Variants in APLP1 observed in about 807,000 individuals in gnomAD.
APLP1 encodes the protein amyloid beta (A4) precursor-like protein 1.
Under a neutral mutation model 84.5 loss-of-function variants are expected in APLP1, and 46 were observed. The observed-to-expected ratio is 0.54, with a 90% confidence interval of 0.43 to 0.70. APLP1 has a LOEUF of 0.70. Among genes scored for constraint, APLP1 ranks in the 30% least tolerant of loss-of-function variants. The pLI, the probability that APLP1 is intolerant of heterozygous loss-of-function variation, is 0.00. For synonymous variants in APLP1, 376 were observed against 364.0 expected (o/e 1.03, Z -0.38); for missense variants, 826 against 900.2 (o/e 0.92, Z 1.05).
At chr19:35,872,760 A>G in intron 7 of APLP1, 147 bp downstream of exon 7, 1 of 791,052 alleles carries the variant, frequency 1.3e-6, no homozygotes, top group Non-Finnish European at 1.9e-6. Context: ...TAAGATGGCC[A>G]GAGATCCATG....
intron 1 of APLP1, chr19:35,869,331 G>A (rs1190733107): frequency 1.8e-6 from 1 of 546,172 alleles, no homozygotes; most frequent in Non-Finnish European, 3.2e-6. Flanking sequence ...AGGGAGGAGG[G>A]GCCAGAACTC....
rs750102856 is a variant in APLP1, at chr19:35,879,301, C to T, written c.1858-42C>T. The T allele has an allele frequency of 2.5e-6, 4 of 1,611,108 alleles. No individual in the cohort carries two copies. In the South Asian group the frequency reaches 3.3e-5, roughly 13 times the overall value. ...CCTGAGAGACTTGCGGGCAGTCCCG[C>T]CCCCGCACCACACTGTCCTTTCCCT... On this transcript the variant is annotated intron_variant, in intron 16 of 16. Coordinates refer to ENST00000221891, the MANE Select transcript of APLP1 (RefSeq NM_001024807.3).
intron 16 of APLP1, 44 bp downstream of exon 16, chr19:35,879,261 C>T: frequency 6.2e-7 from 1 of 1,608,716 alleles, no homozygotes; most frequent in Non-Finnish European, 8.5e-7. Flanking sequence ...AGTTCCTGAG[C>T]CCGGGTGTGG....
Position 35,872,629 on chromosome 19 carries a change from G to C in APLP1, c.981+16G>C. The C allele has an allele frequency of 6.2e-7, 1 of 1,609,800 alleles. No individual in the cohort carries two copies. The highest frequency in any genetic ancestry group is 2.2e-5 in the East Asian group (1 of 44,760). ...GATTAATGAGGTGATAATACTGGGG[G>C]CCCCAGGACCCCCTACAGTACAGAG... On this transcript the variant is annotated intron_variant, in intron 7 of 16. Transcript: ENST00000221891.
At chr19:35,875,286 C>T (rs1012737878) in intron 10 of APLP1, among the ~76,000 whole-genome samples, 3 of 150,124 alleles carry the variant, frequency 2.0e-5, no homozygotes, top group African/African-American at 7.4e-5. Flanking sequence ...CTCAGCCTCT[C>T]GAGTAGCTGG....
Position 35,876,679 on chromosome 19 carries a change from G to T in APLP1, c.1444+63G>T. 4 of 1,341,838 alleles carry T rather than the reference G, an allele frequency of 3.0e-6. No individual in the cohort carries two copies. The East Asian group carries it at 9.8e-5, about 33-fold the overall frequency. 83.1% of individuals were successfully genotyped at this position (1,341,838 alleles called of 1,614,324 possible). Reference sequence around the variant, plus strand: ...TGAGGGCAGATCTTGACTCCTAAATGTTGGGCCCCCCCAATTTCATTTATT... The same window carrying T: ...TGAGGGCAGATCTTGACTCCTAAATTTTGGGCCCCCCCAATTTCATTTATT... On this transcript the variant is annotated intron_variant, in intron 11 of 16. Coordinates refer to ENST00000221891, the MANE Select transcript of APLP1 (RefSeq NM_001024807.3).
rs931968063 is a variant in APLP1, at chr19:35,874,442, C to G, written c.1057-62C>G. ...CCATGTAGCCCTGCCTTTCCAGGCT[C>G]TCTTTGACCAGGCTTTGACCCATCT... is the stretch of plus-strand genomic sequence containing the variant. On this transcript the variant is annotated intron_variant, in intron 8 of 16. Transcript: ENST00000221891. This position sits in a 1 kb window ranked among gnomAD's most constrained non-coding sequence, Gnocchi z 6.4. The G allele has an allele frequency of 6.3e-6, 10 of 1,594,550 alleles. No individual in the cohort carries two copies. The highest frequency in any genetic ancestry group is 2.2e-5 in the East Asian group (1 of 44,546).
intron 1 of APLP1, chr19:35,869,291 T>A (rs1012796045): frequency 1.0e-4 from 54 of 520,822 alleles, no homozygotes; most frequent in Non-Finnish European, 1.6e-4. Flanking sequence ...CAGCTTTGCA[T>A]CCTGCAACGG....
chr19:35,877,812 A>G lies in APLP1; in HGVS notation c.1539A>G (p.Pro513=), dbSNP rs1320202847. ...SSEDKGGLQP[P]DSKDADTPMT... ...AGGACAAGGGTGGGCTGCAGCCTCC[A>G]GATTCCAAGGATGGTGAGTGAGCCC... is the stretch of plus-strand genomic sequence containing the variant. Residue 513 remains proline, a synonymous_variant, in exon 12 of 17, where the codon CCA becomes CCG. Transcript: ENST00000221891. 1 of 1,610,400 alleles carries G rather than the reference A, an allele frequency of 6.2e-7. No individual in the cohort carries two copies. Among genetic ancestry groups the G allele is most frequent in the African/African-American group, 1.3e-5 (1 of 74,774 alleles).
At position 35,878,889 on chromosome 19, in the gene APLP1, G is replaced by C; in HGVS notation, c.1651-1G>C. 1 of 1,614,074 alleles carries C rather than the reference G, an allele frequency of 6.2e-7. No individual in the cohort carries two copies. The highest frequency in any genetic ancestry group is 8.5e-7 in the Non-Finnish European group (1 of 1,179,986). ...GTTCCTGACACCTCCTGCTCCCCCAGGTGAATGCGTCTGTTCCAAGGGGTT... is the reference window on the plus strand; with the variant it reads ...GTTCCTGACACCTCCTGCTCCCCCACGTGAATGCGTCTGTTCCAAGGGGTT... On this transcript the variant is annotated splice_acceptor_variant, in intron 14 of 16. Transcript: ENST00000221891. LOFTEE classifies it high-confidence loss of function.
At chr19:35,878,557 A>G (rs1974333896) in intron 13 of APLP1, 27 bp from the exon 14 acceptor site, 1 of 1,612,908 alleles carries the variant, frequency 6.2e-7, no homozygotes, top group South Asian at 1.1e-5. Flanking sequence ...AGAAAAAAAA[A>G]AAGAATGAGA....
At position 35,869,802 on chromosome 19, in the gene APLP1, T is replaced by A; in HGVS notation, c.283T>A (p.Cys95Ser). 6.3e-7 allele frequency: 1 copy of A among 1,596,166 alleles called. No individual in the cohort carries two copies. The highest frequency in any genetic ancestry group is 8.5e-7 in the Non-Finnish European group (1 of 1,172,760). ...GGACCCGCAGCGCGTGCTGGAGTAC[T>A]GCAGACAGGTGGGCGGGGCCGAACG... ...LRDPQRVLEY[C>S]RQMYPELQIA... Residue 95 changes from cysteine (C) to serine (S), a missense_variant, in exon 2 of 17, where the codon TGC (cysteine) becomes AGC (serine). This residue lies in a region of APLP1 where 383 missense variants were observed against 378.3 expected (regional missense o/e 1.01). Coordinates refer to ENST00000221891, the MANE Select transcript of APLP1 (RefSeq NM_001024807.3).
chr19:35,872,018 C>A lies in APLP1; in HGVS notation c.832C>A (p.Leu278Ile), dbSNP rs1422214200. The change falls in exon 6 of 17, where the codon CTT (leucine) becomes ATT (isoleucine). Residue 278 changes from leucine to isoleucine, a missense_variant. Coordinates refer to ENST00000221891, the MANE Select transcript of APLP1 (RefSeq NM_001024807.3). ...ETVPPPSSHT[L>I]AVVGKVTPTP... is the part of the protein sequence containing the mutation. ...GGTCCCACCCCCAAGCTCCCATACA[C>A]TTGCAGTGGTCGGCAAAGGTGAGGC... The A allele has an allele frequency of 1.2e-6, 2 of 1,613,976 alleles. No homozygotes were observed. The highest frequency in any genetic ancestry group is 1.1e-5 in the South Asian group (1 of 91,074).
chr19:35,879,285 C>G (rs1974361131), intron 16 of APLP1, 58 bp from the exon 17 acceptor site: 1 of 1,609,530 alleles, frequency 6.2e-7, no homozygotes, highest in Admixed American at 1.7e-5. Flanking sequence ...GCCTGAGAGA[C>G]TTGCGGGCAG....
chr19:35,872,126 C>A, intron 6 of APLP1, 90 bp downstream of exon 6: 1 of 1,466,824 alleles, frequency 6.8e-7, no homozygotes, highest in East Asian at 2.3e-5. Flanking sequence ...TTGGGAGGGG[C>A]CTATAGGGGA....
At chr19:35,876,853 G>A (rs74363188) in intron 11 of APLP1, among the ~76,000 whole-genome samples, 1 of 152,332 alleles carries the variant, frequency 6.6e-6, no homozygotes, top group East Asian at 1.9e-4. Context: ...TTAGCTAGCA[G>A]ATCATCTAGG....
At chr19:35,872,638 C>T (rs1426111741) in intron 7 of APLP1, 25 bp downstream of exon 7, 5 of 1,607,180 alleles carry the variant, frequency 3.1e-6, no homozygotes, top group African/African-American at 2.7e-5. Context: ...GGCCCCAGGA[C>T]CCCCTACAGT....
In APLP1 at chr19:35,868,671, G is replaced by C; in HGVS notation, c.35G>C (p.Ser12Thr). ...GCCAGCCCCGCTGCTCGCGGTCTAA[G>C]TCGCCGCCCGGGCCAGCCGCCGCTG... ...GPASPAARGL[S>T]RRPGQPPLPL... Residue 12 changes from serine to threonine, a missense_variant, in exon 1 of 17, where the codon AGT becomes ACT. By Grantham distance (58) the Ser-to-Thr change is moderately conservative. This residue lies in a region of APLP1 where 10 missense variants were observed against 25.4 expected (regional missense o/e 0.39). Transcript: ENST00000221891. The surrounding 1 kb of genome is among the most constrained non-coding windows in gnomAD (Gnocchi z 5.2). 1 of 1,403,068 alleles carries C rather than the reference G, an allele frequency of 7.1e-7. No homozygotes were observed. Among genetic ancestry groups the C allele is most frequent in the Non-Finnish European group, 9.2e-7 (1 of 1,082,456 alleles). The allele number at this position is 1,403,068 out of a possible 1,614,324, so 86.9% of individuals were successfully genotyped here.
intron 11 of APLP1, among the ~76,000 whole-genome samples, chr19:35,876,912 C>T: frequency 6.6e-6 from 1 of 152,170 alleles, no homozygotes; most frequent in African/African-American, 2.4e-5. Context: ...CAAGGAAGCG[C>T]AAGGCCTCTC....
Sources: allele counts gnomAD v4.1 joint callset (sites outside exome capture counted in the v4.1 genomes callset), GRCh38; gene constraint gnomAD v4.1.1; regional missense constraint gnomAD v4.1.1; non-coding constraint Gnocchi (gnomAD v3.1); transcripts MANE v1.5; gene names NCBI Gene and HGNC (gene_info 2026-07-23, HGNC 2026-07-21).